The following TTC6 variants were observed in gnomAD, a reference collection of about 807,000 sequenced individuals.
TTC6 encodes the protein tetratricopeptide repeat protein 6.
Under a neutral mutation model 210.4 loss-of-function variants are expected in TTC6, and 172 were observed. The ratio of observed to expected loss-of-function variants is 0.82; its 90% CI spans 0.72 to 0.93. The LOEUF is 0.93. TTC6 is among the 40% of genes least tolerant of loss of function. The pLI is 0.00. For synonymous variants in TTC6, 804 were observed against 819.6 expected, an observed-to-expected ratio of 0.98 and a Z score of 0.32; for missense variants, 2,414 against 2,318.1, an observed-to-expected ratio of 1.04 and a Z score of -0.85.
intron 7 of TTC6, among the ~76,000 whole-genome samples, chr14:37,731,931 T>G (rs2095887264): frequency 6.6e-6 from 1 of 152,128 alleles, no homozygotes; most frequent in Non-Finnish European, 1.5e-5. Context: ...CATTGTATGC[T>G]TAATTTTTTG....
intron 16 of TTC6, among the ~76,000 whole-genome samples, chr14:37,791,207 T>C (rs2096078414): frequency 6.6e-6 from 1 of 152,158 alleles, no homozygotes; most frequent in African/African-American, 2.4e-5. Context: ...ACATTCTGCT[T>C]GGTGTATGAT....
At chr14:37,769,088 A>C (rs1201100226) in intron 14 of TTC6, among the ~76,000 whole-genome samples, 1 of 151,164 alleles carries the variant, frequency 6.6e-6, no homozygotes, top group Non-Finnish European at 1.5e-5. Context: ...GGCTCTGTTT[A>C]TATGCTGGAT....
chr14:37,608,703 A>G (rs1408478645), intron 2 of TTC6, among the ~76,000 whole-genome samples: 1 of 152,184 alleles, frequency 6.6e-6, no homozygotes. Context: ...TTATTTCCCA[A>G]GTATATAAAC....
intron 20 of TTC6, among the ~76,000 whole-genome samples, chr14:37,797,939 T>A (rs2096096492): frequency 6.6e-6 from 1 of 152,164 alleles, no homozygotes; most frequent in African/African-American, 2.4e-5. Flanking sequence ...GCTACATCTA[T>A]CTTATTACAA....
chr14:37,604,860 G>A (rs906588662), intron 1 of TTC6, among the ~76,000 whole-genome samples: 2 of 152,160 alleles, frequency 1.3e-5, no homozygotes, highest in African/African-American at 4.8e-5. Flanking sequence ...TTCATTTAGA[G>A]AAGTATACTT....
intron 21 of TTC6, among the ~76,000 whole-genome samples, chr14:37,805,409 A>G (rs1484218385): frequency 7.3e-6 from 1 of 137,562 alleles, no homozygotes; most frequent in South Asian, 2.5e-4. Flanking sequence ...CTACAACTCT[A>G]TCTCAAGACA....
chr14:37,748,052 A>C (rs951295099), intron 10 of TTC6, among the ~76,000 whole-genome samples: 2 of 152,208 alleles, frequency 1.3e-5, no homozygotes, highest in East Asian at 1.9e-4. Context: ...AAAACAAAAA[A>C]CAAAAACTAT....
intron 1 of TTC6, among the ~76,000 whole-genome samples, chr14:37,658,334 A>C (rs2095729335): frequency 6.6e-6 from 1 of 152,238 alleles, no homozygotes; most frequent in Non-Finnish European, 1.5e-5. Flanking sequence ...CTGTGAAAGA[A>C]AGAGTCTGTT....
At chr14:37,628,300 T>C (rs1417722095) in intron 1 of TTC6, among the ~76,000 whole-genome samples, 1 of 152,202 alleles carries the variant, frequency 6.6e-6, no homozygotes, top group African/African-American at 2.4e-5. Flanking sequence ...ATGATTGCCA[T>C]TCTAACTGGC....
intron 14 of TTC6, among the ~76,000 whole-genome samples, chr14:37,777,180 C>T (rs2096040266): frequency 6.6e-6 from 1 of 152,176 alleles, no homozygotes; most frequent in Admixed American, 6.5e-5. Context: ...GGATGATATA[C>T]TGAAATAAAT....
chr14:37,830,483 G>C (rs1827023206), intron 29 of TTC6, among the ~76,000 whole-genome samples: 1 of 151,110 alleles, frequency 6.6e-6, no homozygotes, highest in Non-Finnish European at 1.5e-5. Flanking sequence ...CCTTAATTTT[G>C]ATTTATTCTT....
At chr14:37,626,989 T>C (rs2095661477) in intron 1 of TTC6, among the ~76,000 whole-genome samples, 1 of 152,216 alleles carries the variant, frequency 6.6e-6, no homozygotes, top group Non-Finnish European at 1.5e-5. Context: ...AGGTGGGGCC[T>C]GGTGGGAGGT....
Position 37,817,560 on chromosome 14 carries a change from C to A in TTC6, c.4690-18C>A, listed in dbSNP as rs772442073. On this transcript the variant is annotated intron_variant, in intron 25 of 30. Transcript: ENST00000553443. ...AATAATGTTGCAAAATTAACAAAAG[C>A]TTATAACATTATTTCAGGATTTTAA... The A allele has an allele frequency of 1.2e-6, 2 of 1,610,502 alleles. No individual in the cohort carries two copies. Among genetic ancestry groups the A allele is most frequent in the Non-Finnish European group, 1.7e-6 (2 of 1,178,644 alleles).
chr14:37,804,458 A>G (rs1294297367), intron 20 of TTC6, among the ~76,000 whole-genome samples: 1 of 152,192 alleles, frequency 6.6e-6, no homozygotes, highest in South Asian at 2.1e-4. Flanking sequence ...GGCTTGTAGG[A>G]TAGGCACCTG....
chr14:37,753,324 C>A, intron 14 of TTC6, 89 bp downstream of exon 16: 2 of 1,124,524 alleles, frequency 1.8e-6, no homozygotes, highest in Non-Finnish European at 2.4e-6. Context: ...ATACATCAGA[C>A]AGCTCTTTAA....
intron 14 of TTC6, among the ~76,000 whole-genome samples, chr14:37,781,379 G>T (rs914236091): frequency 2.0e-5 from 3 of 152,156 alleles, no homozygotes; most frequent in Non-Finnish European, 4.4e-5. Context: ...CTAATGACCA[G>T]TGATGATGAG....
At chr14:37,743,450 AT>A (rs1324174799) in intron 10 of TTC6, among the ~76,000 whole-genome samples, 1 of 152,232 alleles carries the variant, frequency 6.6e-6, no homozygotes, top group African/African-American at 2.4e-5. Context: ...GATAGTAAAA[AT>A]AATACATGCT....
chr14:37,739,436 CA>C (rs1397708058), intron 10 of TTC6, among the ~76,000 whole-genome samples: 3 of 151,790 alleles, frequency 2.0e-5, no homozygotes, highest in African/African-American at 7.3e-5. Context: ...ATTAGTTGGG[CA>C]TGGTGGTGTG....
chr14:37,697,469 G>A (rs1248343739), intron 4 of TTC6, among the ~76,000 whole-genome samples: 1 of 152,034 alleles, frequency 6.6e-6, no homozygotes, highest in African/African-American at 2.4e-5. Context: ...GTTTCTTCTA[G>A]ATTCTTCTTC....
Sources: allele counts gnomAD v4.1 joint callset (sites outside exome capture counted in the v4.1 genomes callset), GRCh38; gene constraint gnomAD v4.1.1; transcripts MANE v1.5; gene names NCBI Gene and HGNC (gene_info 2026-07-23, HGNC 2026-07-21).